Variants in SPEF2 observed in about 807,000 individuals in gnomAD.
SPEF2 encodes sperm flagella and cilia-associated protein 2.
In SPEF2, 187 loss-of-function variants were observed where a neutral mutation model predicts 224.6. The observed-to-expected ratio is 0.83, with a 90% CI of 0.74 to 0.94. The LOEUF (loss-of-function observed/expected upper bound fraction) is 0.94, where lower values mean the gene tolerates loss of function less well. Ranked by LOEUF, SPEF2 falls within the 40% of genes least tolerant of loss-of-function variation. The pLI is 0.00. For missense variants in SPEF2, 2,170 were observed against 2,135.6 expected (o/e 1.02, Z -0.32); for synonymous variants, 715 against 707.3 (o/e 1.01, Z -0.17).
At chr5:35,760,223 C>G (rs1345992900) in intron 25 of SPEF2, among the ~76,000 whole-genome samples, 1 of 151,886 alleles carries the variant, frequency 6.6e-6, no homozygotes, top group African/African-American at 2.4e-5. Flanking sequence ...ATTAGCCGGG[C>G]GTAGTGGCGG....
In SPEF2 at chr5:35,698,899, G is replaced by A. The variant is rs552422648; in HGVS notation, c.2141+1106G>A. Reference sequence around the variant, plus strand: ...GAAGTGGCTTCTGTGACTGTGGGTGGACGAAGGAACTCAAGGAAATTCTCT... The same window carrying A: ...GAAGTGGCTTCTGTGACTGTGGGTGAACGAAGGAACTCAAGGAAATTCTCT... On this transcript the variant is annotated intron_variant, in intron 15 of 36. Coordinates refer to ENST00000356031, the MANE Select transcript of SPEF2 (RefSeq NM_024867.4). The A allele has an allele frequency of 3.3e-5, 5 of 152,318 alleles. No homozygotes were observed. The East Asian group carries it at 9.7e-4, about 29-fold the overall frequency. 9.4% of individuals were successfully genotyped at this position (152,318 alleles called of 1,614,324 possible).
At chr5:35,789,866 G>T in intron 30 of SPEF2, 1 of 703,014 alleles carries the variant, frequency 1.4e-6, no homozygotes, top group South Asian at 1.5e-5. Flanking sequence ...AGCTGCCAAT[G>T]TGAAACTTAG....
intron 20 of SPEF2, among the ~76,000 whole-genome samples, chr5:35,726,861 T>C (rs557839585): frequency 1.3e-5 from 2 of 152,284 alleles, no homozygotes; most frequent in South Asian, 2.1e-4. Context: ...GTTCATACCA[T>C]AGGGCGCCAC....
chr5:35,705,769 G>T lies in SPEF2; in HGVS notation c.2626G>T (p.Glu876Ter). 1.3e-6 allele frequency: 2 copies of T among 1,524,520 alleles called. No homozygotes were observed. The highest frequency in any genetic ancestry group is 2.1e-5 in the Admixed American group (1 of 47,638). 94.4% of individuals were successfully genotyped at this position (1,524,520 alleles called of 1,614,324 possible). A position where few individuals can be genotyped will look rare whatever the true frequency, so the allele number is the denominator to read the frequency against. The change falls in exon 18 of 37, where the codon GAA (glutamate) becomes TAA (stop). Residue 876 changes from glutamate to a stop codon, truncating the protein, a stop_gained. Coordinates refer to ENST00000356031, the MANE Select transcript of SPEF2 (RefSeq NM_024867.4). LOFTEE classifies it high-confidence loss of function. ...GGAATCTTTATGTGAAAAAGTAAAA[G>T]AAATTCTTACGACTGAAATAGCAAA... ...DKESLCEKVK[E>*]ILTTEIAKKK...
intron 25 of SPEF2, among the ~76,000 whole-genome samples, chr5:35,760,341 C>T (rs968233463): frequency 2.9e-4 from 39 of 136,102 alleles, no homozygotes; most frequent in South Asian, 1.1e-3. Flanking sequence ...CCAGCCTGGG[C>T]GACAGAGGGA....
intron 3 of SPEF2, 139 bp downstream of exon 3, chr5:35,641,822 T>C: frequency 1.2e-6 from 1 of 838,998 alleles, no homozygotes; most frequent in Non-Finnish European, 1.8e-6. Flanking sequence ...ACTTGGGTTT[T>C]ATTTTATATT....
chr5:35,645,974 T>A (rs746114590), intron 4 of SPEF2, among the ~76,000 whole-genome samples: 1 of 152,200 alleles, frequency 6.6e-6, no homozygotes, highest in African/African-American at 2.4e-5. Flanking sequence ...TATAATGTAT[T>A]AGTAGTAAAG....
In SPEF2 at chr5:35,764,523, C is replaced by T. The variant is rs1751811519; in HGVS notation, c.3801+821C>T. The T allele has an allele frequency of 8.8e-6, 4 of 454,976 alleles. No homozygotes were observed. In the East Asian group the frequency reaches 2.8e-4, roughly 32 times the overall value. 28.2% of individuals were successfully genotyped at this position (454,976 alleles called of 1,614,324 possible). A position where few individuals can be genotyped will look rare whatever the true frequency, so the allele number is the denominator to read the frequency against. On this transcript the variant is annotated intron_variant, in intron 26 of 36. Transcript: ENST00000356031. ...AGAATTTAACTCAGGTGATCAATTG[C>T]TATTCCCTCATCTGCCAGGTCCTGG...
chr5:35,812,691 A>T (rs1428651477), intron 36 of SPEF2, among the ~76,000 whole-genome samples: 1 of 152,240 alleles, frequency 6.6e-6, no homozygotes, highest in African/African-American at 2.4e-5. Context: ...CTTATAATTG[A>T]GGTTTATATT....
chr5:35,718,870 G>C (rs1743106542), intron 20 of SPEF2, among the ~76,000 whole-genome samples: 1 of 152,180 alleles, frequency 6.6e-6, no homozygotes, highest in Non-Finnish European at 1.5e-5. Flanking sequence ...CCAAAGCTTG[G>C]AATTGAGTTT....
intron 34 of SPEF2, 128 bp downstream of exon 34, chr5:35,800,275 A>C: frequency 1.0e-6 from 1 of 991,270 alleles, no homozygotes; most frequent in Non-Finnish European, 1.4e-6. Context: ...GATGCTTTAC[A>C]CATACTAGGT....
intron 18 of SPEF2, among the ~76,000 whole-genome samples, chr5:35,708,692 TCAC>T (rs201149259): frequency 0.019 from 23 of 1,240 alleles, no homozygotes; most frequent in East Asian, 0.033. Context: ...TCTACCTCCA[TCAC>T]CATCACCACC....
At position 35,694,288 on chromosome 5, in the gene SPEF2, G is replaced by C; in HGVS notation, c.1900G>C (p.Asp634His). Residue 634 changes from aspartate (D) to histidine (H), a missense_variant and splice_region_variant, in exon 13 of 37, where the codon GAT becomes CAT. Transcript: ENST00000356031. Reference protein sequence around the residue: ...VLQEEIKESQDPQHVFSAGPV... With the variant: ...VLQEEIKESQHPQHVFSAGPV... Reference sequence around the variant, plus strand: ...CCCTATGTGTGTTTTCTCTCCAAAGGATCCACAACATGTATTTTCAGCTGG... The same window carrying C: ...CCCTATGTGTGTTTTCTCTCCAAAGCATCCACAACATGTATTTTCAGCTGG... The C allele has an allele frequency of 1.2e-6, 2 of 1,613,066 alleles. No homozygotes were observed. Among genetic ancestry groups the C allele is most frequent in the East Asian group, 2.2e-5 (1 of 44,814 alleles).
chr5:35,702,166 TG>T (rs1336668453), intron 16 of SPEF2: 1 of 456,158 alleles, frequency 2.2e-6, no homozygotes, highest in East Asian at 6.9e-5. Context: ...AGCAGGATCC[TG>T]GGCTGAGTGG....
chr5:35,805,746 GT>G (rs1561393317), intron 34 of SPEF2, among the ~76,000 whole-genome samples: 1 of 152,014 alleles, frequency 6.6e-6, no homozygotes, highest in African/African-American at 2.4e-5. Context: ...TCCTTAATGC[GT>G]CTGCTTTCCA....
intron 26 of SPEF2, among the ~76,000 whole-genome samples, chr5:35,768,278 G>C (rs1752353395): frequency 6.6e-6 from 1 of 152,026 alleles, no homozygotes; most frequent in African/African-American, 2.4e-5. Context: ...CAAGTACCAA[G>C]CACCAGAAAG....
In SPEF2 at chr5:35,670,200, A is replaced by G; in HGVS notation, c.1497A>G (p.Leu499=). ...QLTELEKRDL[L]DTNDYEEYKN... ...CAGAACTGGAGAAAAGGGACTTGCTAGATACCAATGATTATGAAGAATATA... is the reference window on the plus strand; with the variant it reads ...CAGAACTGGAGAAAAGGGACTTGCTGGATACCAATGATTATGAAGAATATA... The change falls in exon 10 of 37, where the codon CTA becomes CTG. Residue 499 remains leucine, a synonymous_variant. Transcript: ENST00000356031. The G allele has an allele frequency of 6.2e-7, 1 of 1,611,038 alleles. No individual in the cohort carries two copies. Among genetic ancestry groups the G allele is most frequent in the Non-Finnish European group, 8.5e-7 (1 of 1,178,238 alleles).
intron 1 of SPEF2, 53 bp from the exon 2 acceptor site, chr5:35,628,407 C>A: frequency 8.5e-7 from 1 of 1,177,020 alleles, no homozygotes; most frequent in Non-Finnish European, 1.3e-6. Flanking sequence ...AGATCATTAG[C>A]TCTATGCGCA....
At chr5:35,656,109 A>G (rs558754297) in intron 7 of SPEF2, among the ~76,000 whole-genome samples, 1 of 152,298 alleles carries the variant, frequency 6.6e-6, no homozygotes, top group Admixed American at 6.5e-5. Context: ...TAGGTTGTGC[A>G]CCTGGATGGC....
Sources: allele counts gnomAD v4.1 joint callset (sites outside exome capture counted in the v4.1 genomes callset), GRCh38; gene constraint gnomAD v4.1.1; transcripts MANE v1.5; gene names NCBI Gene and HGNC (gene_info 2026-07-23, HGNC 2026-07-21).